The following CRTAC1 variants were observed in gnomAD, a reference collection of about 807,000 sequenced individuals.
The protein encoded by CRTAC1 is cartilage acidic protein 1.
A neutral mutation model predicts 67.8 loss-of-function variants in CRTAC1; 37 were observed. That is an observed-to-expected ratio of 0.55 (90% CI 0.42 to 0.72). The LOEUF is 0.72. Among genes scored for constraint, CRTAC1 ranks in the 30% least tolerant of loss-of-function variants. CRTAC1 has a pLI of 0.00. For synonymous variants in CRTAC1, 348 were observed against 371.0 expected (o/e 0.94, Z 0.71); for missense variants, 780 against 931.6 (o/e 0.84, Z 2.12).
intron 3 of CRTAC1, among the ~76,000 whole-genome samples, chr10:97,924,513 G>A (rs1031717249): frequency 2.6e-5 from 4 of 152,204 alleles, no homozygotes; most frequent in African/African-American, 9.7e-5. Context: ...CAAGAGCTCA[G>A]GGTGATGGAA....
chr10:97,910,423 A>G (rs988784145), intron 5 of CRTAC1, among the ~76,000 whole-genome samples: 2 of 152,204 alleles, frequency 1.3e-5, no homozygotes, highest in African/African-American at 4.8e-5. Context: ...TCAGGCCCCT[A>G]ATGAAATCAG....
intron 4 of CRTAC1, among the ~76,000 whole-genome samples, chr10:97,919,496 G>A (rs2050805809): frequency 6.6e-6 from 1 of 152,200 alleles, no homozygotes; most frequent in South Asian, 2.1e-4. Context: ...AGCTGGAGAA[G>A]GTGGTAAATT....
chr10:97,876,576 GCTC>G (rs1297975237), intron 14 of CRTAC1, among the ~76,000 whole-genome samples: 2 of 152,136 alleles, frequency 1.3e-5, no homozygotes, highest in East Asian at 3.8e-4. Flanking sequence ...TGGGGCACCA[GCTC>G]CTCCATTTGC....
chr10:98,030,435 G>A lies in CRTAC1; in HGVS notation c.24+14C>T. ...CTCCGCCTTAGGGTGGGGGGCACCGGTGCAGATACTCACGCCGGGGTCAGC... is the reference window on the plus strand; with the variant it reads ...CTCCGCCTTAGGGTGGGGGGCACCGATGCAGATACTCACGCCGGGGTCAGC... On this transcript the variant is annotated intron_variant, in intron 1 of 14. Transcript: ENST00000370597. This position sits in a 1 kb window ranked among gnomAD's most constrained non-coding sequence, Gnocchi z 4.2. 2 of 1,249,472 alleles carry A rather than the reference G, an allele frequency of 1.6e-6. No individual in the cohort carries two copies. The highest frequency in any genetic ancestry group is 4.1e-5 in the Admixed American group (1 of 24,200). The allele number at this position is 1,249,472 out of a possible 1,614,324, so 77.4% of individuals were successfully genotyped here.
Position 98,029,503 on chromosome 10 carries a change from GGCGGCGGCGGCGGCGGCGGCGGCGGCA to G in CRTAC1, c.24+919_24+945del, listed in dbSNP as rs1479876670. Among the ~76,000 whole-genome samples the G allele has an allele frequency of 2.1e-4, 30 of 144,860 alleles. No homozygotes were observed. The highest frequency in any genetic ancestry group is 8.4e-4 in the African/African-American group (30 of 35,704). ...CACCAGCAGCAGCAGCGGCGGCGGC[GGCGGCGGCGGCGGCGGCGGCGGCGGCA>G]GCAGCAGCAATATTCATTAGTCATT... On this transcript the variant is annotated intron_variant, in intron 1 of 14. Coordinates refer to ENST00000370597, the MANE Select transcript of CRTAC1 (RefSeq NM_018058.7). The surrounding 1 kb of genome is among the most constrained non-coding windows in gnomAD (Gnocchi z 4.7).
intron 6 of CRTAC1, among the ~76,000 whole-genome samples, chr10:97,906,153 G>A (rs1222683382): frequency 6.6e-6 from 1 of 152,108 alleles, no homozygotes; most frequent in Non-Finnish European, 1.5e-5. Flanking sequence ...TGTCCTCCTG[G>A]GGGAGAGAAG....
intron 1 of CRTAC1, among the ~76,000 whole-genome samples, chr10:98,011,797 G>A (rs1242668302): frequency 6.6e-6 from 1 of 152,172 alleles, no homozygotes; most frequent in Admixed American, 6.5e-5. Flanking sequence ...AGGGAGGAAG[G>A]GAGGGAGATG....
In CRTAC1 at chr10:97,950,914, A is replaced by G. The variant is rs564532321; in HGVS notation, c.225-14548T>C. 2.0e-5 allele frequency among the ~76,000 whole-genome samples: 3 copies of G among 152,266 alleles called. No homozygotes were observed. The East Asian group carries it at 5.8e-4, about 29-fold the overall frequency. ...ATAAGTGGTGAGGTTATCAGCTGAG[A>G]GGAGGGTGTGAAGTCACGGCTTGAG... is the stretch of plus-strand genomic sequence containing the variant. On this transcript the variant is annotated intron_variant, in intron 2 of 14. Transcript: ENST00000370597.
chr10:98,027,017 G>T (rs961491665), intron 1 of CRTAC1, among the ~76,000 whole-genome samples: 1 of 152,024 alleles, frequency 6.6e-6, no homozygotes, highest in South Asian at 2.1e-4. Context: ...AATACAAAAA[G>T]TTAGCCGGGC....
intron 2 of CRTAC1, among the ~76,000 whole-genome samples, chr10:98,010,621 C>T (rs545680770): frequency 7.9e-4 from 121 of 152,288 alleles, no homozygotes; most frequent in Non-Finnish European, 1.4e-3. Context: ...ACAAGGCATG[C>T]TCAGCGGAGG....
chr10:97,959,018 C>A (rs1438951978), intron 2 of CRTAC1, among the ~76,000 whole-genome samples: 2 of 152,192 alleles, frequency 1.3e-5, no homozygotes, highest in African/African-American at 4.8e-5. Context: ...CCTGCAGCAG[C>A]AGCGACTGTG....
chr10:97,902,083 G>A (rs1462649661), intron 7 of CRTAC1, among the ~76,000 whole-genome samples: 1 of 152,194 alleles, frequency 6.6e-6, no homozygotes, highest in Non-Finnish European at 1.5e-5. Context: ...CCTCCTCTGT[G>A]CTGAGTCAGA....
At chr10:97,926,862 C>T (rs1030525969) in intron 3 of CRTAC1, among the ~76,000 whole-genome samples, 1 of 152,176 alleles carries the variant, frequency 6.6e-6, no homozygotes, top group Non-Finnish European at 1.5e-5. Flanking sequence ...TTCCAGATGC[C>T]TGGGAGCCTC....
Position 98,030,516 on chromosome 10 carries a change from C to A in CRTAC1, c.-44G>T, listed in dbSNP as rs984741165. ...GCCGCCTAGGGGCGTGGGAAGCGGG[C>A]GCTCGCTGCCGCCTCTGCCGCCGGC... On this transcript the variant is annotated 5_prime_UTR_variant, in exon 1 of 15. Transcript: ENST00000370597. The surrounding 1 kb of genome is among the most constrained non-coding windows in gnomAD (Gnocchi z 4.2). 1.5e-5 allele frequency: 18 copies of A among 1,230,248 alleles called. No homozygotes were observed. Among genetic ancestry groups the A allele is most frequent in the Non-Finnish European group, 1.7e-5 (17 of 976,460 alleles). The allele number at this position is 1,230,248 out of a possible 1,614,324, so 76.2% of individuals were successfully genotyped here.
intron 2 of CRTAC1, among the ~76,000 whole-genome samples, chr10:97,942,602 T>C (rs2051192361): frequency 6.6e-6 from 1 of 152,156 alleles, no homozygotes; most frequent in African/African-American, 2.4e-5. Flanking sequence ...TAGAAGGATG[T>C]GAGCACCTAT....
At chr10:97,874,285 G>A (rs2050122673) in intron 14 of CRTAC1, among the ~76,000 whole-genome samples, 1 of 152,226 alleles carries the variant, frequency 6.6e-6, no homozygotes, top group Non-Finnish European at 1.5e-5. Context: ...TGATTGTTGA[G>A]GGCCAAATTC....
chr10:97,927,850 C>T (rs1026389604), intron 3 of CRTAC1, among the ~76,000 whole-genome samples: 7 of 152,114 alleles, frequency 4.6e-5, no homozygotes, highest in Non-Finnish European at 5.9e-5. Context: ...GCGAGCTGTG[C>T]GGGTCGATGG....
chr10:97,889,609 C>T (rs751843201), intron 11 of CRTAC1, among the ~76,000 whole-genome samples: 2 of 152,060 alleles, frequency 1.3e-5, no homozygotes, highest in East Asian at 1.9e-4. Context: ...TGAGGGCCTG[C>T]GTCCTCTGGG....
At chr10:97,992,294 G>T (rs936117925) in intron 2 of CRTAC1, among the ~76,000 whole-genome samples, 1 of 152,142 alleles carries the variant, frequency 6.6e-6, no homozygotes, top group African/African-American at 2.4e-5. Context: ...TCCATACTTT[G>T]CTTTAGCTTG....
Sources: gnomAD v4.1 joint callset for allele counts (sites outside exome capture counted in the v4.1 genomes callset) on GRCh38, gnomAD v4.1.1 for gene constraint, Gnocchi (gnomAD v3.1) non-coding constraint, MANE v1.5 for transcripts, NCBI Gene and HGNC (gene_info 2026-07-23, HGNC 2026-07-21) for gene names.